The following LHFPL3 variants were observed in gnomAD, a reference collection of about 807,000 sequenced individuals.
The protein encoded by LHFPL3 is LHFPL tetraspan subfamily member 3 protein.
In LHFPL3, 5 loss-of-function variants were observed where a neutral mutation model predicts 19.3. That is an observed-to-expected ratio of 0.26 (90% CI 0.14 to 0.54). The LOEUF (loss-of-function observed/expected upper bound fraction) is 0.54, where lower values mean the gene tolerates loss of function less well. Among genes scored for constraint, LHFPL3 ranks in the 20% least tolerant of loss-of-function variants. The pLI is 0.94. For synonymous variants in LHFPL3, 133 were observed against 126.2 expected (o/e 1.05, Z -0.36); for missense variants, 249 against 307.4 (o/e 0.81, Z 1.42).
chr7:104,752,663 C>T, intron 2 of LHFPL3: 2 of 362,482 alleles, frequency 5.5e-6, no homozygotes, highest in Non-Finnish European at 9.8e-6. Flanking sequence ...TTTAATTTTA[C>T]TTTTAGTTTG....
At chr7:104,445,713 T>A (rs1030250685) in intron 1 of LHFPL3, among the ~76,000 whole-genome samples, 3 of 152,220 alleles carry the variant, frequency 2.0e-5, no homozygotes, top group Non-Finnish European at 4.4e-5. Flanking sequence ...ATCAAACTTG[T>A]ATCCAGGCAA....
rs1417446839 is a variant in LHFPL3, at chr7:104,433,666, G to A, written c.445+104442G>A. Among the ~76,000 whole-genome samples the A allele has an allele frequency of 3.9e-5, 6 of 152,078 alleles. No homozygotes were observed. In the South Asian group the frequency reaches 1.2e-3, roughly 32 times the overall value. On this transcript the variant is annotated intron_variant, in intron 1 of 2. Coordinates refer to ENST00000424859, the MANE Select transcript of LHFPL3 (RefSeq NM_199000.3). ...GGCCATTGCACTTGCTTTTCTCTTG[G>A]CCTAGAATGCCTTTTGCCCCTACGG...
chr7:104,495,890 T>C (rs559670666), intron 1 of LHFPL3, among the ~76,000 whole-genome samples: 3 of 152,342 alleles, frequency 2.0e-5, no homozygotes, highest in Admixed American at 6.5e-5. Context: ...GTGTACATTA[T>C]CTCATTTAAT....
intron 1 of LHFPL3, among the ~76,000 whole-genome samples, chr7:104,495,447 A>T (rs552977699): frequency 1.3e-5 from 2 of 152,082 alleles, no homozygotes; most frequent in African/African-American, 2.4e-5. Context: ...GCAGTGGCAC[A>T]ATCTCAGCTC....
intron 1 of LHFPL3, among the ~76,000 whole-genome samples, chr7:104,495,443 G>T (rs772755022): frequency 2.6e-5 from 4 of 152,132 alleles, no homozygotes; most frequent in Admixed American, 6.5e-5. Flanking sequence ...GAGTGCAGTG[G>T]CACAATCTCA....
At chr7:104,699,688 G>C (rs1793064574) in intron 1 of LHFPL3, among the ~76,000 whole-genome samples, 1 of 152,108 alleles carries the variant, frequency 6.6e-6, no homozygotes, top group South Asian at 2.1e-4. Context: ...TGATTAAAAT[G>C]GTACATTTTA....
intron 2 of LHFPL3, among the ~76,000 whole-genome samples, chr7:104,904,352 CTG>C (rs1248482420): frequency 6.6e-6 from 1 of 152,090 alleles, no homozygotes; most frequent in Non-Finnish European, 1.5e-5. Flanking sequence ...TTAAAGGGCT[CTG>C]TGACGCAAAA....
chr7:104,900,639 T>C (rs1792464966), intron 2 of LHFPL3, among the ~76,000 whole-genome samples: 1 of 152,064 alleles, frequency 6.6e-6, no homozygotes, highest in Non-Finnish European at 1.5e-5. Context: ...ATTAAAAAGG[T>C]CAGACAGGAA....
chr7:104,705,535 G>A (rs1373409474), intron 1 of LHFPL3, among the ~76,000 whole-genome samples: 1 of 152,166 alleles, frequency 6.6e-6, no homozygotes, highest in Non-Finnish European at 1.5e-5. Flanking sequence ...TCAGTTCTAT[G>A]AGTAGGAGTC....
At chr7:104,785,525 T>A (rs1789895245) in intron 2 of LHFPL3, among the ~76,000 whole-genome samples, 1 of 152,190 alleles carries the variant, frequency 6.6e-6, no homozygotes, top group South Asian at 2.1e-4. Flanking sequence ...AAATTCAACA[T>A]GTCCAAAATT....
At chr7:104,726,403 T>G (rs905751857) in intron 1 of LHFPL3, among the ~76,000 whole-genome samples, 3 of 152,066 alleles carry the variant, frequency 2.0e-5, no homozygotes, top group African/African-American at 7.2e-5. Context: ...ACCTGTACCA[T>G]GGTGATTTGC....
At chr7:104,867,885 C>T (rs1331895401) in intron 2 of LHFPL3, among the ~76,000 whole-genome samples, 4 of 152,186 alleles carry the variant, frequency 2.6e-5, no homozygotes, top group Non-Finnish European at 4.4e-5. Context: ...CCACCATGAT[C>T]GAGTGGGCTT....
chr7:104,393,489 G>A (rs565402866), intron 1 of LHFPL3, among the ~76,000 whole-genome samples: 205 of 152,152 alleles, frequency 1.3e-3, no homozygotes, highest in Non-Finnish European at 2.1e-3. Flanking sequence ...AGGCCAAGGT[G>A]GGAGGATCAC....
At chr7:104,751,691 G>A (rs1357338830) in intron 2 of LHFPL3, among the ~76,000 whole-genome samples, 1 of 151,870 alleles carries the variant, frequency 6.6e-6, no homozygotes, top group Non-Finnish European at 1.5e-5. Flanking sequence ...CCTCATATAA[G>A]GGGAGTTGGG....
chr7:104,446,910 T>G (rs189172924), intron 1 of LHFPL3, among the ~76,000 whole-genome samples: 5 of 152,178 alleles, frequency 3.3e-5, no homozygotes, highest in African/African-American at 1.2e-4. Flanking sequence ...CTGAAAAACA[T>G]TTTGTTTTTT....
At chr7:104,821,876 T>C (rs1790682201) in intron 2 of LHFPL3, among the ~76,000 whole-genome samples, 1 of 152,222 alleles carries the variant, frequency 6.6e-6, no homozygotes, top group Non-Finnish European at 1.5e-5. Context: ...GATTAAGTAG[T>C]GTAATCAAAG....
chr7:104,353,890 G>A (rs1188931379), intron 1 of LHFPL3, among the ~76,000 whole-genome samples: 1 of 152,170 alleles, frequency 6.6e-6, no homozygotes, highest in Non-Finnish European at 1.5e-5. Context: ...TACCTGGTAA[G>A]TGGAAAAGCA....
chr7:104,352,100 G>A (rs957968535), intron 1 of LHFPL3, among the ~76,000 whole-genome samples: 4 of 151,780 alleles, frequency 2.6e-5, no homozygotes, highest in African/African-American at 9.7e-5. Context: ...AGGATTTGGA[G>A]GCTGTGGTGA....
At chr7:104,491,711 C>G (rs1793356121) in intron 1 of LHFPL3, among the ~76,000 whole-genome samples, 1 of 152,148 alleles carries the variant, frequency 6.6e-6, no homozygotes, top group Non-Finnish European at 1.5e-5. Context: ...AAGCAATGTG[C>G]ACAGAATTAT....
Sources: gnomAD v4.1 joint callset for allele counts (sites outside exome capture counted in the v4.1 genomes callset) on GRCh38, gnomAD v4.1.1 for gene constraint, MANE v1.5 for transcripts, NCBI Gene and HGNC (gene_info 2026-07-23, HGNC 2026-07-21) for gene names.